CSMD3: variants seen among roughly 807,000 people sequenced by gnomAD.
CSMD3 encodes CUB and sushi domain-containing protein 3.
Under a neutral mutation model 435.2 loss-of-function variants are expected in CSMD3, and 177 were observed. The ratio of observed to expected loss-of-function variants is 0.41; its 90% CI spans 0.36 to 0.46. The LOEUF (loss-of-function observed/expected upper bound fraction) is 0.46. Among genes scored for constraint, CSMD3 ranks in the 20% least tolerant of loss-of-function variants. CSMD3 has a pLI of 0.34. For missense variants in CSMD3, 4,265 were observed against 4,504.6 expected (o/e 0.95, Z 1.52); for synonymous variants, 1,656 against 1,520.5 (o/e 1.09, Z -2.07).
At chr8:112,835,133 T>G (rs2079984711) in intron 11 of CSMD3, among the ~76,000 whole-genome samples, 1 of 151,892 alleles carries the variant, frequency 6.6e-6, no homozygotes, top group Non-Finnish European at 1.5e-5. Context: ...TAACACTGAC[T>G]TTCCAGAAGT....
intron 13 of CSMD3, among the ~76,000 whole-genome samples, chr8:112,768,960 T>C (rs2078046765): frequency 6.6e-6 from 1 of 151,996 alleles, no homozygotes; most frequent in Non-Finnish European, 1.5e-5. Context: ...TGTTCAGCTA[T>C]TTATTCACAT....
At chr8:113,108,906 G>A (rs964155994) in intron 4 of CSMD3, among the ~76,000 whole-genome samples, 1 of 152,056 alleles carries the variant, frequency 6.6e-6, no homozygotes, top group Admixed American at 6.5e-5. Flanking sequence ...TCAAAATACT[G>A]GCAAATGTGC....
rs942564811 is a variant in CSMD3 at position 112,920,973 on chromosome 8, A to G, written c.1633+654T>C. ...TACACATACTGGTATTTATATATAT[A>G]TATGTACACACATACGCGCGCGCGC... On this transcript the variant is annotated intron_variant, in intron 10 of 70. Coordinates refer to ENST00000297405, the MANE Select transcript of CSMD3 (RefSeq NM_198123.2). Among the ~76,000 whole-genome samples the G allele has an allele frequency of 4.1e-5, 6 of 146,566 alleles. No individual in the cohort carries two copies. In the East Asian group the frequency reaches 1.0e-3, roughly 25 times the overall value.
chr8:112,744,609 T>C (rs1475363265), intron 13 of CSMD3, among the ~76,000 whole-genome samples: 1 of 152,104 alleles, frequency 6.6e-6, no homozygotes, highest in African/African-American at 2.4e-5. Context: ...GTCCTTAATA[T>C]AGAGATTTTT....
At chr8:112,227,648 T>C (rs1448091898) in intron 70 of CSMD3, among the ~76,000 whole-genome samples, 1 of 152,198 alleles carries the variant, frequency 6.6e-6, no homozygotes, top group Non-Finnish European at 1.5e-5. Context: ...TATCTATTAA[T>C]AAAATCTGAT....
At chr8:112,392,639 C>G (rs972258412) in intron 35 of CSMD3, among the ~76,000 whole-genome samples, 2 of 150,862 alleles carry the variant, frequency 1.3e-5, no homozygotes, top group African/African-American at 4.9e-5. Context: ...CCATCGCCAC[C>G]GCCACAACTT....
chr8:112,445,935 G>T (rs1437466959), intron 32 of CSMD3, among the ~76,000 whole-genome samples: 2 of 152,104 alleles, frequency 1.3e-5, no homozygotes, highest in Non-Finnish European at 2.9e-5. Flanking sequence ...TTCAGCATTT[G>T]TTAGTTCTTT....
chr8:113,274,575 A>T (rs1478651991), intron 3 of CSMD3, among the ~76,000 whole-genome samples: 1 of 152,092 alleles, frequency 6.6e-6, no homozygotes, highest in Non-Finnish European at 1.5e-5. Context: ...TTGGTCTTTC[A>T]TCATAGACAG....
intron 35 of CSMD3, among the ~76,000 whole-genome samples, chr8:112,403,180 A>G (rs1210401012): frequency 1.3e-5 from 2 of 152,340 alleles, no homozygotes; most frequent in Admixed American, 6.5e-5. Context: ...GAAATAGCTT[A>G]TAAGTCAGAA....
intron 13 of CSMD3, among the ~76,000 whole-genome samples, chr8:112,743,461 G>A (rs2077359356): frequency 6.6e-6 from 1 of 151,692 alleles, no homozygotes. Context: ...ATAACGCTAT[G>A]GATTAAGGCA....
chr8:112,415,812 T>C (rs955193568), intron 32 of CSMD3, among the ~76,000 whole-genome samples: 19 of 152,336 alleles, frequency 1.2e-4, no homozygotes, highest in Non-Finnish European at 2.4e-4. Context: ...GCTTAATGAC[T>C]GCTCTATTGG....
At chr8:113,099,546 A>G (rs1385382033) in intron 4 of CSMD3, among the ~76,000 whole-genome samples, 1 of 152,140 alleles carries the variant, frequency 6.6e-6, no homozygotes. Context: ...GGTAACTAAT[A>G]TAACTTTAGA....
intron 3 of CSMD3, among the ~76,000 whole-genome samples, chr8:113,200,538 C>G (rs982632019): frequency 1.3e-5 from 2 of 151,718 alleles, no homozygotes; most frequent in Non-Finnish European, 2.9e-5. Flanking sequence ...TATACTACAG[C>G]TAAAGAGGCT....
At chr8:113,043,156 C>A (rs1215123089) in intron 5 of CSMD3, among the ~76,000 whole-genome samples, 1 of 152,148 alleles carries the variant, frequency 6.6e-6, no homozygotes. Context: ...TACTCAAACA[C>A]ATACATAATA....
At chr8:112,951,605 C>T (rs1378552644) in intron 8 of CSMD3, among the ~76,000 whole-genome samples, 2 of 151,802 alleles carry the variant, frequency 1.3e-5, no homozygotes, top group Admixed American at 1.3e-4. Context: ...AAACCCTTCA[C>T]ATTCTACAAA....
chr8:112,276,829 G>C (rs1586626004), intron 59 of CSMD3, among the ~76,000 whole-genome samples: 1 of 152,056 alleles, frequency 6.6e-6, no homozygotes, highest in East Asian at 1.9e-4. Context: ...ACACCACATG[G>C]AAGCTGCCAA....
intron 32 of CSMD3, among the ~76,000 whole-genome samples, chr8:112,469,597 G>A (rs962410420): frequency 2.0e-5 from 3 of 152,032 alleles, no homozygotes; most frequent in Non-Finnish European, 2.9e-5. Context: ...GATAAGGAGC[G>A]CACAACCTAG....
intron 9 of CSMD3, among the ~76,000 whole-genome samples, chr8:112,938,166 G>A (rs900980969): frequency 6.6e-6 from 1 of 152,148 alleles, no homozygotes; most frequent in Non-Finnish European, 1.5e-5. Flanking sequence ...ATAAGTTGCT[G>A]CAACATAAGG....
chr8:113,159,138 G>A (rs994953572), intron 4 of CSMD3, among the ~76,000 whole-genome samples: 1 of 151,860 alleles, frequency 6.6e-6, no homozygotes, highest in Non-Finnish European at 1.5e-5. Flanking sequence ...TCATCTTCTA[G>A]GCTTGTGTTA....
Sources: gnomAD v4.1 joint callset for allele counts (sites outside exome capture counted in the v4.1 genomes callset) on GRCh38, gnomAD v4.1.1 for gene constraint, MANE v1.5 for transcripts, NCBI Gene and HGNC (gene_info 2026-07-23, HGNC 2026-07-21) for gene names.